Variants in SUPT3H observed in about 807,000 individuals in gnomAD.
SUPT3H encodes the protein transcription initiation protein SPT3 homolog.
Under a neutral mutation model 44.3 loss-of-function variants are expected in SUPT3H, and 44 were observed. The observed-to-expected ratio is 0.99, with a 90% CI of 0.78 to 1.28. The LOEUF (loss-of-function observed/expected upper bound fraction) is 1.28. SUPT3H is among the 50% of genes most tolerant of loss of function. SUPT3H has a pLI of 0.00. For missense variants in SUPT3H, 380 were observed against 387.1 expected (o/e 0.98, Z 0.15); for synonymous variants, 124 against 125.6 (o/e 0.99, Z 0.09).
chr6:45,145,677 T>A (rs554097218), intron 2 of SUPT3H, among the ~76,000 whole-genome samples: 2 of 152,178 alleles, frequency 1.3e-5, no homozygotes, highest in African/African-American at 4.8e-5. Context: ...TGGGACTTAA[T>A]TAAACCAAAA....
intron 9 of SUPT3H, among the ~76,000 whole-genome samples, chr6:44,951,447 G>A (rs932812298): frequency 6.6e-6 from 1 of 152,092 alleles, no homozygotes; most frequent in Non-Finnish European, 1.5e-5. Flanking sequence ...GATGTTAGCT[G>A]CTGATTTTGT....
At chr6:45,023,573 C>G (rs1355205778) in intron 3 of SUPT3H, among the ~76,000 whole-genome samples, 1 of 152,104 alleles carries the variant, frequency 6.6e-6, no homozygotes, top group Non-Finnish European at 1.5e-5. Flanking sequence ...TATATATACA[C>G]CATGGAATAT....
At chr6:45,355,860 G>A (rs1356346215) in intron 2 of SUPT3H, among the ~76,000 whole-genome samples, 2 of 151,956 alleles carry the variant, frequency 1.3e-5, no homozygotes, top group Non-Finnish European at 2.9e-5. Context: ...TATTTTTGTT[G>A]AATAAATAAA....
chr6:45,255,999 G>A (rs1314312984), intron 2 of SUPT3H, among the ~76,000 whole-genome samples: 3 of 151,990 alleles, frequency 2.0e-5, no homozygotes, highest in East Asian at 1.9e-4. Context: ...GTGAAACCCC[G>A]TCTCTACTAA....
chr6:45,364,236 A>G (rs1007857122), intron 2 of SUPT3H, among the ~76,000 whole-genome samples: 9 of 152,182 alleles, frequency 5.9e-5, no homozygotes, highest in African/African-American at 2.2e-4. Flanking sequence ...AAGGCCAAAA[A>G]GTTTGAGAGC....
chr6:44,839,832 G>A (rs1366324282), intron 10 of SUPT3H, among the ~76,000 whole-genome samples: 13 of 152,120 alleles, frequency 8.5e-5, no homozygotes, highest in Admixed American at 7.2e-4. Context: ...CTCCCGAGTA[G>A]CTGGGACTAC....
At chr6:44,835,223 G>A (rs950993018) in intron 10 of SUPT3H, among the ~76,000 whole-genome samples, 3 of 152,048 alleles carry the variant, frequency 2.0e-5, no homozygotes, top group Non-Finnish European at 4.4e-5. Context: ...TATGGCCTGC[G>A]TGGAGCTGTT....
At chr6:45,201,596 A>G (rs762073862) in intron 2 of SUPT3H, among the ~76,000 whole-genome samples, 34 of 151,886 alleles carry the variant, frequency 2.2e-4, no homozygotes, top group Non-Finnish European at 4.1e-4. Flanking sequence ...TTCTTCACAG[A>G]ATTTTTATTA....
intron 2 of SUPT3H, among the ~76,000 whole-genome samples, chr6:45,323,330 T>C (rs1238604301): frequency 6.6e-6 from 1 of 152,258 alleles, no homozygotes; most frequent in Middle Eastern, 3.4e-3. Context: ...GCACAGTGGA[T>C]TAAGATTTAT....
In SUPT3H at chr6:45,297,516, T is replaced by C. The variant is rs1781484586; in HGVS notation, c.101+67685A>G. On this transcript the variant is annotated intron_variant, in intron 2 of 10. Transcript: ENST00000371459. The stretch of plus-strand genomic sequence containing the variant: ...ACTAGGAGTCCCTCTGTCACTGAAG[T>C]TCCAAGACAGGTTGGCAGAAATGCA... 2.0e-5 allele frequency among the ~76,000 whole-genome samples: 3 copies of C among 152,172 alleles called. No homozygotes were observed. The South Asian group carries it at 6.2e-4, about 32-fold the overall frequency.
chr6:45,069,518 A>T (rs762726861), intron 3 of SUPT3H, among the ~76,000 whole-genome samples: 2 of 152,184 alleles, frequency 1.3e-5, no homozygotes, highest in Non-Finnish European at 2.9e-5. Flanking sequence ...TTGGTTTAAA[A>T]AGTGTTTTGA....
intron 2 of SUPT3H, among the ~76,000 whole-genome samples, chr6:45,242,810 G>A (rs1046741050): frequency 2.0e-5 from 3 of 152,100 alleles, no homozygotes; most frequent in Admixed American, 6.5e-5. Context: ...ACAAAAGCAG[G>A]AAAATAAGGC....
At chr6:45,161,046 C>T (rs1808876949) in intron 2 of SUPT3H, among the ~76,000 whole-genome samples, 1 of 151,960 alleles carries the variant, frequency 6.6e-6, no homozygotes, top group Admixed American at 6.6e-5. Context: ...GTGTGTTCCC[C>T]CAACACTCTC....
intron 7 of SUPT3H, among the ~76,000 whole-genome samples, chr6:44,960,338 G>A (rs745695415): frequency 6.7e-6 from 1 of 149,168 alleles, no homozygotes; most frequent in Non-Finnish European, 1.5e-5. Flanking sequence ...AACCCAGGAG[G>A]AGGAGGAGGA....
At chr6:44,824,968 T>G (rs1174278880), downstream of SUPT3H, among the ~76,000 whole-genome samples, 1 of 152,230 alleles carries the variant, frequency 6.6e-6, no homozygotes, top group Non-Finnish European at 1.5e-5. Context: ...ATTTAAAGTT[T>G]CAGGGCATTG....
chr6:44,928,268 T>C (rs1339642868), intron 10 of SUPT3H, among the ~76,000 whole-genome samples: 2 of 152,158 alleles, frequency 1.3e-5, no homozygotes, highest in Non-Finnish European at 2.9e-5. Context: ...ACTCAGGACA[T>C]TCTAGGTTGC....
chr6:44,913,873 CCCT>C (rs1182185705), intron 10 of SUPT3H, among the ~76,000 whole-genome samples: 1 of 152,082 alleles, frequency 6.6e-6, no homozygotes, highest in Admixed American at 6.5e-5. Flanking sequence ...TCAGTGCCAC[CCCT>C]ATCATATAGT....
At position 45,078,500 on chromosome 6, in the gene SUPT3H, G is replaced by T. The variant is rs962828475; in HGVS notation, c.186+27422C>A. 2.0e-5 allele frequency among the ~76,000 whole-genome samples: 3 copies of T among 152,168 alleles called. No individual in the cohort carries two copies. In the East Asian group the frequency reaches 5.8e-4, roughly 29 times the overall value. Reference sequence around the variant, plus strand: ...TTTTATTATAAATTTAGCTCTATTGGTGAGTTTTATACTTTCACATGTTTT... The same window carrying T: ...TTTTATTATAAATTTAGCTCTATTGTTGAGTTTTATACTTTCACATGTTTT... On this transcript the variant is annotated intron_variant, in intron 3 of 10. Coordinates refer to ENST00000371459, the MANE Select transcript of SUPT3H (RefSeq NM_003599.4).
intron 3 of SUPT3H, among the ~76,000 whole-genome samples, chr6:45,062,139 G>A (rs1178527966): frequency 2.0e-5 from 3 of 151,654 alleles, no homozygotes; most frequent in East Asian, 3.9e-4. Context: ...ATATGGCAAA[G>A]GATACAGATG....
Sources: allele counts gnomAD v4.1 joint callset (sites outside exome capture counted in the v4.1 genomes callset), GRCh38; gene constraint gnomAD v4.1.1; transcripts MANE v1.5; gene names NCBI Gene and HGNC (gene_info 2026-07-23, HGNC 2026-07-21).